Variants in GPHN observed in about 807,000 individuals in gnomAD.
The protein encoded by GPHN is gephyrin.
GPHN carries 17 observed loss-of-function variants against 95.5 expected under a neutral mutation model. That is an observed-to-expected ratio of 0.18 (90% CI 0.12 to 0.27). The LOEUF (loss-of-function observed/expected upper bound fraction) is 0.27, where lower values mean the gene tolerates loss of function less well. GPHN is among the 10% of genes least tolerant of loss of function. The probability of loss-of-function intolerance (pLI) is 1.00; values close to 1 mark genes in which losing one functional copy is unlikely to be tolerated. For missense variants in GPHN, 660 were observed against 978.1 expected, an observed-to-expected ratio of 0.67 and a Z score of 4.34; for synonymous variants, 320 against 322.5, an observed-to-expected ratio of 0.99 and a Z score of 0.08.
chr14:67,690,182 T>C, the GPHN span: 2 of 1,591,990 alleles, frequency 1.3e-6, no homozygotes, highest in African/African-American at 1.3e-5. Flanking sequence ...CTCTGACTCA[T>C]GTCTCCACAT....
intron 20 of GPHN, among the ~76,000 whole-genome samples, chr14:67,166,348 C>A (rs954260549): frequency 6.6e-6 from 1 of 152,178 alleles, no homozygotes; most frequent in African/African-American, 2.4e-5. Context: ...TTCCTAGCTT[C>A]ATTTAGCCTG....
the GPHN span, chr14:67,620,171 C>T: frequency 2.4e-5 from 22 of 934,946 alleles, no homozygotes; most frequent in East Asian, 1.9e-4. Flanking sequence ...TGCGGGGGAC[C>T]GGGAGGCGAG....
the GPHN span, among the ~76,000 whole-genome samples, chr14:67,502,756 A>G: frequency 6.6e-6 from 1 of 152,108 alleles, no homozygotes; most frequent in Non-Finnish European, 1.5e-5. Context: ...CGGGCCCCAG[A>G]AGGTGATTTC....
At chr14:67,112,768 T>G (rs973124955) in intron 15 of GPHN, among the ~76,000 whole-genome samples, 1 of 152,250 alleles carries the variant, frequency 6.6e-6, no homozygotes, top group Non-Finnish European at 1.5e-5. Flanking sequence ...ATTTCAAATA[T>G]GAAGTAACAT....
the GPHN span, among the ~76,000 whole-genome samples, chr14:67,622,309 G>C: frequency 6.6e-6 from 1 of 152,164 alleles, no homozygotes; most frequent in Non-Finnish European, 1.5e-5. Context: ...ACTCTTCTCT[G>C]CTGGTCATAA....
intron 9 of GPHN, chr14:66,996,105 AACCCTCTGTG>A: frequency 9.7e-7 from 1 of 1,030,112 alleles, no homozygotes; most frequent in Non-Finnish European, 1.5e-6. Flanking sequence ...GAGCCATCTA[AACCCTCTGTG>A]ACCCTTACTA....
At chr14:67,015,130 A>T (rs945698795) in intron 9 of GPHN, among the ~76,000 whole-genome samples, 5 of 152,232 alleles carry the variant, frequency 3.3e-5, no homozygotes, top group African/African-American at 1.2e-4. Context: ...AAAGAAGCAT[A>T]AACAAGCTTT....
chr14:66,592,853 C>T lies in GPHN; in HGVS notation c.64+84262C>T, dbSNP rs115057754. On this transcript the variant is annotated intron_variant, in intron 1 of 22. Coordinates refer to ENST00000478722, the MANE Select transcript of GPHN (RefSeq NM_020806.5). ...TACTATAAGGACACATGCACACATA[C>T]GTTTATTGCAGCAATATTCACAATA... Among the ~76,000 whole-genome samples, 891 of 152,172 alleles carry T rather than the reference C, an allele frequency of 5.9e-3. 4 individuals carry two copies. Among genetic ancestry groups the T allele is most frequent in the African/African-American group, 0.019 (798 of 41,518 alleles).
the GPHN span, chr14:67,592,825 G>A: frequency 1.4e-6 from 1 of 735,580 alleles, no homozygotes; most frequent in Non-Finnish European, 2.3e-6. Context: ...TCTCTCTGTT[G>A]CCCAAGCTGC....
chr14:67,574,269 C>A, the GPHN span: 1 of 1,608,304 alleles, frequency 6.2e-7, no homozygotes, highest in Non-Finnish European at 8.5e-7. The surrounding 1 kb of genome is among the most constrained non-coding windows in gnomAD (Gnocchi z 4.2). Flanking sequence ...AACCTACTAC[C>A]TGACGGCCGA....
chr14:67,671,431 C>T, the GPHN span, among the ~76,000 whole-genome samples: 2 of 152,024 alleles, frequency 1.3e-5, no homozygotes, highest in Admixed American at 6.6e-5. Flanking sequence ...AAGGCTGAGG[C>T]ATGAGAATCA....
At position 67,181,045 on chromosome 14, in the gene GPHN, G is replaced by A; in HGVS notation, c.*108G>A. ...TCCCGATTTGGATAAAAGTTGATCT[G>A]TATAGTCAACATCTTGAACTATATT... On this transcript the variant is annotated 3_prime_UTR_variant, in exon 23 of 23. Transcript: ENST00000478722. 2.0e-6 allele frequency: 2 copies of A among 993,720 alleles called. No homozygotes were observed. Among genetic ancestry groups the A allele is most frequent in the Non-Finnish European group, 1.6e-6 (1 of 630,452 alleles). The allele number at this position is 993,720 out of a possible 1,614,324, so 61.6% of individuals were successfully genotyped here.
chr14:66,571,253 C>G (rs968946342), intron 1 of GPHN, among the ~76,000 whole-genome samples: 1 of 152,092 alleles, frequency 6.6e-6, no homozygotes, highest in East Asian at 1.9e-4. Flanking sequence ...ACCATCAGGC[C>G]TTATGAGAAC....
intron 9 of GPHN, among the ~76,000 whole-genome samples, chr14:67,022,057 TTC>T (rs1290785674): frequency 6.6e-6 from 1 of 152,128 alleles, no homozygotes; most frequent in African/African-American, 2.4e-5. Context: ...GAAATGTAGT[TTC>T]TCTCTTTATT....
chr14:66,987,737 CAAAAT>C (rs1001710557), intron 9 of GPHN, among the ~76,000 whole-genome samples: 11 of 151,936 alleles, frequency 7.2e-5, no homozygotes, highest in Non-Finnish European at 1.0e-4. Context: ...TGTAATTAAT[CAAAAT>C]AAAATGTTGA....
At chr14:67,622,253 G>A in the GPHN span, among the ~76,000 whole-genome samples, 1 of 152,128 alleles carries the variant, frequency 6.6e-6, no homozygotes, top group Non-Finnish European at 1.5e-5. Context: ...GGAGATTATG[G>A]AGATAATAAC....
At chr14:67,011,973 T>C (rs1278194488) in intron 9 of GPHN, among the ~76,000 whole-genome samples, 2 of 152,120 alleles carry the variant, frequency 1.3e-5, no homozygotes, top group Non-Finnish European at 2.9e-5. Flanking sequence ...ACTAGAAATA[T>C]ATAGGAAATC....
chr14:66,916,729 A>G (rs2065928152), intron 6 of GPHN, among the ~76,000 whole-genome samples: 1 of 152,182 alleles, frequency 6.6e-6, no homozygotes, highest in Non-Finnish European at 1.5e-5. Context: ...CACACATGAC[A>G]TTCTGAACAT....
At chr14:67,649,594 A>ACAAAT in the GPHN span, 1 of 152,224 alleles carries the variant, frequency 6.6e-6, no homozygotes. Flanking sequence ...GAAATCAGAG[A>ACAAAT]CAAATCAGGA....
Sources: gnomAD v4.1 joint callset for allele counts (sites outside exome capture counted in the v4.1 genomes callset) on GRCh38, gnomAD v4.1.1 for gene constraint, Gnocchi (gnomAD v3.1) non-coding constraint, MANE v1.5 for transcripts, NCBI Gene and HGNC (gene_info 2026-07-23, HGNC 2026-07-21) for gene names.